The following ZNF608 variants were observed in gnomAD, a reference collection of about 807,000 sequenced individuals.
The protein encoded by ZNF608 is zinc finger protein 608.
In ZNF608, 12 loss-of-function variants were observed where a neutral mutation model predicts 109.0. The observed-to-expected ratio is 0.11, with a 90% CI of 0.07 to 0.18. The LOEUF (loss-of-function observed/expected upper bound fraction) is 0.18, where lower values mean the gene tolerates loss of function less well. Ranked by LOEUF, ZNF608 falls within the 10% of genes least tolerant of loss-of-function variation. ZNF608 has a pLI of 1.00. For missense variants in ZNF608, 1,707 were observed against 1,879.3 expected (o/e 0.91, Z 1.70); for synonymous variants, 732 against 717.4 (o/e 1.02, Z -0.33).
chr5:124,686,508 T>G (rs1307127019), intron 3 of ZNF608, among the ~76,000 whole-genome samples: 2 of 152,240 alleles, frequency 1.3e-5, no homozygotes, highest in Admixed American at 1.3e-4. Flanking sequence ...CTTCTGTGTT[T>G]CTGGTACCCA....
intron 2 of ZNF608, chr5:124,710,267 G>A (rs768087954): frequency 3.8e-5 from 17 of 450,998 alleles, no homozygotes; most frequent in East Asian, 2.1e-4. Context: ...ACCGTATTCC[G>A]ATTTCTCTCA....
intron 3 of ZNF608, among the ~76,000 whole-genome samples, chr5:124,693,059 G>C (rs1396325737): frequency 6.6e-6 from 1 of 152,182 alleles, no homozygotes. Flanking sequence ...GATAAAAAAT[G>C]TTCTGAAATG....
At chr5:124,743,235 C>A (rs1749491764) in intron 2 of ZNF608, among the ~76,000 whole-genome samples, 1 of 152,230 alleles carries the variant, frequency 6.6e-6, no homozygotes, top group Admixed American at 6.5e-5. Context: ...ATTCTATATT[C>A]CAATTCACTC....
At chr5:124,721,831 G>A (rs1054123907) in intron 2 of ZNF608, among the ~76,000 whole-genome samples, 2 of 149,726 alleles carry the variant, frequency 1.3e-5, no homozygotes, top group African/African-American at 2.5e-5. Flanking sequence ...CCAGCTACTC[G>A]GAAGGAAGGC....
intron 3 of ZNF608, among the ~76,000 whole-genome samples, chr5:124,659,199 C>T (rs927071547): frequency 1.3e-5 from 2 of 151,674 alleles, no homozygotes; most frequent in Admixed American, 6.6e-5. Context: ...AAGCTCTCCA[C>T]GATGCCATTA....
At chr5:124,711,432 T>C (rs570358368) in intron 2 of ZNF608, among the ~76,000 whole-genome samples, 1 of 152,342 alleles carries the variant, frequency 6.6e-6, no homozygotes, top group African/African-American at 2.4e-5. Context: ...CATTCCACTT[T>C]AGAGTAAAAG....
intron 2 of ZNF608, among the ~76,000 whole-genome samples, chr5:124,714,608 T>G (rs6863700): frequency 6.6e-6 from 1 of 152,222 alleles, no homozygotes; most frequent in Non-Finnish European, 1.5e-5. Context: ...AAGTGGAGAT[T>G]ATAGTATTAC....
intron 2 of ZNF608, among the ~76,000 whole-genome samples, chr5:124,723,741 G>A (rs1209465510): frequency 1.3e-5 from 2 of 152,120 alleles, no homozygotes; most frequent in African/African-American, 4.8e-5. Flanking sequence ...GGAGTAGGGG[G>A]AGGAACAGCA....
In ZNF608 at chr5:124,637,248, T is replaced by C. The variant is rs1561524157; in HGVS notation, c.*652A>G. On this transcript the variant is annotated 3_prime_UTR_variant, in exon 10 of 10. Transcript: ENST00000513986. The stretch of plus-strand genomic sequence containing the variant: ...TTATTTCCCCATTTTAATCTTTACA[T>C]TATATACAACACAGTTTTTGTGGTA... 2 of 152,638 alleles carry C rather than the reference T, an allele frequency of 1.3e-5. No individual in the cohort carries two copies. The allele number at this position is 152,638 out of a possible 1,614,324, so 9.5% of individuals were successfully genotyped here.
chr5:124,652,807 A>ATTTTC (rs1750849457), intron 3 of ZNF608, among the ~76,000 whole-genome samples: 1 of 152,268 alleles, frequency 6.6e-6, no homozygotes, highest in Admixed American at 6.5e-5. Flanking sequence ...TGAAGGCATA[A>ATTTTC]ATGCCCATGA....
intron 3 of ZNF608, among the ~76,000 whole-genome samples, chr5:124,681,852 G>A (rs750385804): frequency 3.9e-5 from 6 of 152,298 alleles, no homozygotes; most frequent in Middle Eastern, 6.8e-3. Flanking sequence ...TCAAATACAA[G>A]ATCTGAAATC....
intron 3 of ZNF608, among the ~76,000 whole-genome samples, chr5:124,670,692 G>C (rs1323324051): frequency 1.3e-5 from 2 of 152,094 alleles, no homozygotes; most frequent in Non-Finnish European, 2.9e-5. Flanking sequence ...AACTATAAGA[G>C]ACAGAGACAG....
rs569241806 is a variant in ZNF608 at position 124,745,272 on chromosome 5, T to C, written c.-183-100A>G. The C allele has an allele frequency of 8.3e-5, 93 of 1,117,652 alleles. 3 individuals carry two copies. The Admixed American group carries it at 1.6e-3, about 20-fold the overall frequency. 69.2% of individuals were successfully genotyped at this position (1,117,652 alleles called of 1,614,324 possible). ...AATCAGTAAAGGGGACAGGGAAGGATGGAGAGTAAGGTGGCTCATGTATTG... is the reference window on the plus strand; with the variant it reads ...AATCAGTAAAGGGGACAGGGAAGGACGGAGAGTAAGGTGGCTCATGTATTG... On this transcript the variant is annotated intron_variant, in intron 1 of 9. Coordinates refer to ENST00000513986, the MANE Select transcript of ZNF608 (RefSeq NM_020747.3).
At chr5:124,695,593 C>T (rs536534223) in intron 3 of ZNF608, among the ~76,000 whole-genome samples, 46 of 151,642 alleles carry the variant, frequency 3.0e-4, no homozygotes, top group African/African-American at 5.3e-4. Context: ...GGCAAAACCT[C>T]GTGTCTACAA....
chr5:124,739,548 TG>T (rs1749294239), intron 2 of ZNF608, among the ~76,000 whole-genome samples: 1 of 152,228 alleles, frequency 6.6e-6, no homozygotes, highest in African/African-American at 2.4e-5. Flanking sequence ...TTGGAAAAGC[TG>T]ACCGCTCATT....
chr5:124,652,171 G>A (rs1750817834), intron 3 of ZNF608, among the ~76,000 whole-genome samples: 1 of 152,226 alleles, frequency 6.6e-6, no homozygotes, highest in Non-Finnish European at 1.5e-5. Flanking sequence ...AGGCTAATCT[G>A]CAGTTGCAAC....
At chr5:124,662,520 C>G (rs1423661064) in intron 3 of ZNF608, among the ~76,000 whole-genome samples, 4 of 152,250 alleles carry the variant, frequency 2.6e-5, no homozygotes, top group Non-Finnish European at 5.9e-5. Context: ...CCCAAGTCAA[C>G]CTCCAAGACT....
chr5:124,644,426 T>C lies in ZNF608; in HGVS notation c.3941A>G (p.Asp1314Gly), dbSNP rs760146805. 13 of 1,614,190 alleles carry C rather than the reference T, an allele frequency of 8.1e-6. No individual in the cohort carries two copies. In the South Asian group the frequency reaches 1.4e-4, roughly 18 times the overall value. The part of the protein sequence containing the change: ...QSMEESKLKN[D>G]DRKTPVNWKD... ...CCAGTTCACAGGAGTCTTTCGATCATCATTTTTCAGCTTGCTCTCCTCCAT... is the reference window on the plus strand; with the variant it reads ...CCAGTTCACAGGAGTCTTTCGATCACCATTTTTCAGCTTGCTCTCCTCCAT... The change falls in exon 6 of 10, where the codon GAT becomes GGT. Residue 1314 changes from aspartate to glycine, a missense_variant. Around this residue, in one of 7 missense-constraint regions of ZNF608, gnomAD observed 1,073 missense variants for 1,133.5 expected, o/e 0.95. Transcript: ENST00000513986.
At chr5:124,724,234 A>G (rs1233856556) in intron 2 of ZNF608, among the ~76,000 whole-genome samples, 3 of 152,196 alleles carry the variant, frequency 2.0e-5, no homozygotes, top group African/African-American at 7.2e-5. Context: ...ATTCTTGAAC[A>G]TACGGGGACT....
Sources: gnomAD v4.1 joint callset for allele counts (sites outside exome capture counted in the v4.1 genomes callset) on GRCh38, gnomAD v4.1.1 for gene constraint, gnomAD v4.1.1 regional missense constraint, MANE v1.5 for transcripts, NCBI Gene and HGNC (gene_info 2026-07-23, HGNC 2026-07-21) for gene names.